The following UNC5C variants were observed in gnomAD, a reference collection of about 807,000 sequenced individuals.
UNC5C encodes unc-5 netrin receptor C.
In UNC5C, 47 loss-of-function variants were observed where a neutral mutation model predicts 99.8. The observed-to-expected ratio is 0.47, with a 90% CI of 0.37 to 0.60. The LOEUF (loss-of-function observed/expected upper bound fraction) is 0.60. UNC5C is among the 20% of genes least tolerant of loss of function. UNC5C has a pLI of 0.00. For synonymous variants in UNC5C, 487 were observed against 452.2 expected (o/e 1.08, Z -0.98); for missense variants, 1,062 against 1,165.9 (o/e 0.91, Z 1.30).
At chr4:95,425,656 T>G (rs1300679952) in intron 1 of UNC5C, among the ~76,000 whole-genome samples, 1 of 152,236 alleles carries the variant, frequency 6.6e-6, no homozygotes, top group Non-Finnish European at 1.5e-5. Flanking sequence ...ACTCACTTGT[T>G]TTTTTATATT....
At chr4:95,193,567 A>G (rs1241553337) in intron 12 of UNC5C, among the ~76,000 whole-genome samples, 6 of 152,164 alleles carry the variant, frequency 3.9e-5, no homozygotes, top group African/African-American at 1.4e-4. Flanking sequence ...ATCAGATTTC[A>G]TGGAACCTGC....
chr4:95,259,471 T>TG (rs571269581), intron 4 of UNC5C, among the ~76,000 whole-genome samples: 316 of 152,298 alleles, frequency 2.1e-3, no homozygotes, highest in African/African-American at 7.1e-3. Flanking sequence ...GGCATTTCTG[T>TG]GGGGCAAAGT....
At chr4:95,282,012 G>T (rs1284069040) in intron 3 of UNC5C, among the ~76,000 whole-genome samples, 1 of 152,126 alleles carries the variant, frequency 6.6e-6, no homozygotes, top group Non-Finnish European at 1.5e-5. Context: ...GTCACCCCCA[G>T]TTGAGAACCA....
At chr4:95,342,873 A>C (rs1579341635) in intron 1 of UNC5C, among the ~76,000 whole-genome samples, 1 of 151,980 alleles carries the variant, frequency 6.6e-6, no homozygotes, top group Non-Finnish European at 1.5e-5. Flanking sequence ...GTAGTCAAGC[A>C]GTACTTGCTG....
chr4:95,281,748 T>G, intron 3 of UNC5C, among the ~76,000 whole-genome samples: 1 of 152,192 alleles, frequency 6.6e-6, no homozygotes, highest in East Asian at 1.9e-4. Flanking sequence ...ATAAATTCAT[T>G]TTGGTACATG....
chr4:95,191,988 CT>C (rs972655717), intron 12 of UNC5C, among the ~76,000 whole-genome samples: 4 of 135,036 alleles, frequency 3.0e-5, no homozygotes, highest in African/African-American at 1.1e-4. Context: ...CCCCTCCCCC[CT>C]GCTAATCCTC....
At chr4:95,279,051 C>T (rs1740960771) in intron 3 of UNC5C, among the ~76,000 whole-genome samples, 1 of 152,142 alleles carries the variant, frequency 6.6e-6, no homozygotes, top group Non-Finnish European at 1.5e-5. Context: ...TATGTATATA[C>T]ATATTTTCCT....
At position 95,437,979 on chromosome 4, in the gene UNC5C, A is replaced by T. The variant is rs550389497; in HGVS notation, c.125-102348T>A. 3.9e-5 allele frequency among the ~76,000 whole-genome samples: 6 copies of T among 152,230 alleles called. No individual in the cohort carries two copies. In the East Asian group the frequency reaches 9.7e-4, roughly 24 times the overall value. On this transcript the variant is annotated intron_variant, in intron 1 of 15. Coordinates refer to ENST00000453304, the MANE Select transcript of UNC5C (RefSeq NM_003728.4). ...AAACTTTGCACATTCATGCTTCTAAATTCATTAATACTATGTGTGAATTTT... is the reference window on the plus strand; with the variant it reads ...AAACTTTGCACATTCATGCTTCTAATTTCATTAATACTATGTGTGAATTTT...
At chr4:95,333,366 A>G (rs1255271474) in intron 2 of UNC5C, among the ~76,000 whole-genome samples, 7 of 152,214 alleles carry the variant, frequency 4.6e-5, no homozygotes, top group Admixed American at 4.6e-4. Context: ...TGTGGCATAT[A>G]TACACCATGG....
intron 1 of UNC5C, among the ~76,000 whole-genome samples, chr4:95,430,177 G>T (rs1356232861): frequency 6.6e-6 from 1 of 152,056 alleles, no homozygotes; most frequent in Non-Finnish European, 1.5e-5. Context: ...ATAATGATGT[G>T]TCAATGTAGG....
chr4:95,444,479 C>G (rs1039685874), intron 1 of UNC5C, among the ~76,000 whole-genome samples: 6 of 152,116 alleles, frequency 3.9e-5, no homozygotes, highest in Non-Finnish European at 8.8e-5. Flanking sequence ...CTACAGGGGC[C>G]TGCCACCTTG....
At chr4:95,509,521 T>G (rs1460834003) in intron 1 of UNC5C, among the ~76,000 whole-genome samples, 1 of 151,872 alleles carries the variant, frequency 6.6e-6, no homozygotes, top group Non-Finnish European at 1.5e-5. Flanking sequence ...AATCTGAAGC[T>G]TGACATCCAT....
chr4:95,177,020 C>T (rs557478390), intron 14 of UNC5C, among the ~76,000 whole-genome samples: 2 of 152,316 alleles, frequency 1.3e-5, no homozygotes, highest in South Asian at 4.1e-4. Flanking sequence ...TGCCGTCTGT[C>T]ACCCCTTTCT....
chr4:95,268,001 G>A (rs912152829), intron 4 of UNC5C, among the ~76,000 whole-genome samples: 3 of 141,294 alleles, frequency 2.1e-5, no homozygotes, highest in East Asian at 4.2e-4. Flanking sequence ...CCAGGCTGGA[G>A]TGCAGTGGCG....
chr4:95,169,720 CAT>C (rs1365959240), intron 15 of UNC5C, among the ~76,000 whole-genome samples: 1 of 151,132 alleles, frequency 6.6e-6, no homozygotes, highest in Admixed American at 6.7e-5. Context: ...GGTCATGCCA[CAT>C]GTTATGTTTG....
At chr4:95,463,816 T>C (rs939728019) in intron 1 of UNC5C, among the ~76,000 whole-genome samples, 2 of 152,180 alleles carry the variant, frequency 1.3e-5, no homozygotes, top group Non-Finnish European at 2.9e-5. Flanking sequence ...TATACAAAGA[T>C]GAATAAGAAA....
intron 4 of UNC5C, among the ~76,000 whole-genome samples, chr4:95,254,268 C>G (rs1739866846): frequency 6.6e-6 from 1 of 152,174 alleles, no homozygotes; most frequent in Non-Finnish European, 1.5e-5. Flanking sequence ...GGTGACGCTT[C>G]CAACGTCTTG....
chr4:95,281,885 T>C (rs1328872750), intron 3 of UNC5C, among the ~76,000 whole-genome samples: 1 of 152,218 alleles, frequency 6.6e-6, no homozygotes, highest in Non-Finnish European at 1.5e-5. Context: ...GTTCTTTGCA[T>C]AGCAGGATAC....
intron 12 of UNC5C, among the ~76,000 whole-genome samples, chr4:95,194,166 G>A (rs564728807): frequency 1.4e-4 from 22 of 152,280 alleles, no homozygotes; most frequent in African/African-American, 5.1e-4. Flanking sequence ...AAATGCCAAC[G>A]GGTGGTGCTC....
Sources: gnomAD v4.1 joint callset for allele counts (sites outside exome capture counted in the v4.1 genomes callset) on GRCh38, gnomAD v4.1.1 for gene constraint, MANE v1.5 for transcripts, NCBI Gene and HGNC (gene_info 2026-07-23, HGNC 2026-07-21) for gene names.